Variants in GPC6 observed in about 807,000 individuals in gnomAD.
GPC6 encodes the protein glypican-6.
A neutral mutation model predicts 55.2 loss-of-function variants in GPC6; 14 were observed. The ratio of observed to expected loss-of-function variants is 0.25; its 90% CI spans 0.17 to 0.40. The LOEUF is 0.40. Ranked by LOEUF, GPC6 falls within the 10% of genes least tolerant of loss-of-function variation. The pLI is 1.00. For missense variants in GPC6, 641 were observed against 708.5 expected (o/e 0.90, Z 1.08); for synonymous variants, 278 against 259.6 (o/e 1.07, Z -0.68).
intron 1 of GPC6, among the ~76,000 whole-genome samples, chr13:93,516,042 T>A (rs997632378): frequency 6.6e-6 from 1 of 152,164 alleles, no homozygotes; most frequent in East Asian, 1.9e-4. Flanking sequence ...CGACAGCTTT[T>A]CTTGCAACAT....
At chr13:93,621,197 T>C (rs976170378) in intron 2 of GPC6, among the ~76,000 whole-genome samples, 2 of 152,124 alleles carry the variant, frequency 1.3e-5, no homozygotes, top group African/African-American at 4.8e-5. Context: ...AAGGCTCATC[T>C]CAGAAAGGGA....
At chr13:93,541,397 G>A (rs1204833097) in intron 1 of GPC6, among the ~76,000 whole-genome samples, 1 of 109,670 alleles carries the variant, frequency 9.1e-6, no homozygotes, top group Non-Finnish European at 1.9e-5. Context: ...TGGTGTATAT[G>A]TGCCACATTT....
In GPC6 at chr13:93,434,629, T is replaced by C. The variant is rs1358616126; in HGVS notation, c.161-110634T>C. Among the ~76,000 whole-genome samples the C allele has an allele frequency of 2.6e-5, 4 of 152,192 alleles. No homozygotes were observed. The East Asian group carries it at 7.7e-4, about 29-fold the overall frequency. On this transcript the variant is annotated intron_variant, in intron 1 of 8. Coordinates refer to ENST00000377047, the MANE Select transcript of GPC6 (RefSeq NM_005708.5). ...TGTTCTGTGTGGTGGTAAAACTTAC[T>C]GGCATATAATCTGTCTGTGTCCTGA...
intron 1 of GPC6, among the ~76,000 whole-genome samples, chr13:93,528,346 AATTG>A (rs1881731044): frequency 6.6e-6 from 1 of 152,168 alleles, no homozygotes; most frequent in Non-Finnish European, 1.5e-5. Context: ...ATAAACTTGA[AATTG>A]ATTGTTTGTG....
intron 7 of GPC6, among the ~76,000 whole-genome samples, chr13:94,393,844 T>G (rs1298615910): frequency 6.6e-6 from 1 of 152,142 alleles, no homozygotes; most frequent in Non-Finnish European, 1.5e-5. Flanking sequence ...CTACCAGCAT[T>G]AACGTGATGA....
intron 3 of GPC6, among the ~76,000 whole-genome samples, chr13:93,953,818 A>G (rs914531179): frequency 2.6e-5 from 4 of 152,194 alleles, no homozygotes; most frequent in Non-Finnish European, 5.9e-5. Context: ...CATATTCTGT[A>G]TTGATTATCA....
intron 4 of GPC6, among the ~76,000 whole-genome samples, chr13:94,038,399 A>C (rs901702734): frequency 5.3e-5 from 8 of 151,892 alleles, no homozygotes; most frequent in African/African-American, 1.9e-4. Context: ...ACCAAAAATA[A>C]AAACCACATA....
chr13:93,419,180 C>G (rs1490752760), intron 1 of GPC6, among the ~76,000 whole-genome samples: 1 of 150,982 alleles, frequency 6.6e-6, no homozygotes, highest in East Asian at 2.0e-4. Flanking sequence ...ACATTTAATA[C>G]TGGTACTTAT....
intron 6 of GPC6, among the ~76,000 whole-genome samples, chr13:94,360,699 G>C (rs1168332297): frequency 3.3e-5 from 5 of 152,164 alleles, no homozygotes; most frequent in African/African-American, 1.2e-4. Flanking sequence ...GATTTCCAGA[G>C]TGCTATCCTC....
intron 2 of GPC6, among the ~76,000 whole-genome samples, chr13:93,764,468 ATAAAT>A (rs1885046973): frequency 6.6e-6 from 1 of 152,140 alleles, no homozygotes; most frequent in Non-Finnish European, 1.5e-5. Flanking sequence ...TCTACTAGGA[ATAAAT>A]TAATTAGTGC....
chr13:93,269,263 T>C (rs1249444361), intron 1 of GPC6, among the ~76,000 whole-genome samples: 1 of 152,122 alleles, frequency 6.6e-6, no homozygotes, highest in Non-Finnish European at 1.5e-5. Flanking sequence ...TATTGACTTT[T>C]CAGGGTTCTA....
intron 6 of GPC6, among the ~76,000 whole-genome samples, chr13:94,342,086 A>G (rs1878070198): frequency 6.6e-6 from 1 of 152,246 alleles, no homozygotes; most frequent in Non-Finnish European, 1.5e-5. Flanking sequence ...CTGCATCAAC[A>G]TCTGCCTTTT....
intron 1 of GPC6, among the ~76,000 whole-genome samples, chr13:93,281,528 G>A (rs561065775): frequency 7.5e-4 from 114 of 152,250 alleles, no homozygotes; most frequent in African/African-American, 2.7e-3. Context: ...TAAATGAAAA[G>A]AATGGCTGGG....
chr13:94,164,800 T>G (rs1888294260), intron 4 of GPC6, among the ~76,000 whole-genome samples: 1 of 152,204 alleles, frequency 6.6e-6, no homozygotes, highest in South Asian at 2.1e-4. Flanking sequence ...TAAATTGATT[T>G]TTTTTTTACA....
In GPC6 at chr13:93,796,093, G is replaced by A. The variant is rs149981064; in HGVS notation, c.320-34061G>A. Among the ~76,000 whole-genome samples the A allele has an allele frequency of 2.1e-3, 312 of 151,658 alleles. 3 individuals carry two copies. Among genetic ancestry groups the A allele is most frequent in the African/African-American group, 7.3e-3 (302 of 41,380 alleles). ...TGCCTGTAGTCCCAGCTAATTGGGA[G>A]GCTGAGGTGGGAGGATCACTTTCCT... is the stretch of plus-strand genomic sequence containing the variant. On this transcript the variant is annotated intron_variant, in intron 2 of 8. Coordinates refer to ENST00000377047, the MANE Select transcript of GPC6 (RefSeq NM_005708.5).
At chr13:94,018,651 A>AT (rs1219797076) in intron 3 of GPC6, among the ~76,000 whole-genome samples, 1 of 152,156 alleles carries the variant, frequency 6.6e-6, no homozygotes, top group African/African-American at 2.4e-5. Flanking sequence ...AAGACTTTTT[A>AT]GTCAACATAT....
At chr13:93,553,601 A>C (rs1243529053) in intron 2 of GPC6, among the ~76,000 whole-genome samples, 1 of 148,720 alleles carries the variant, frequency 6.7e-6, no homozygotes, top group Non-Finnish European at 1.5e-5. Context: ...AGGCTGAGGC[A>C]GGAGAATCGC....
At position 93,455,808 on chromosome 13, in the gene GPC6, C is replaced by T. The variant is rs116684544; in HGVS notation, c.161-89455C>T. Among the ~76,000 whole-genome samples the T allele has an allele frequency of 9.6e-3, 1,464 of 152,182 alleles. 23 individuals carry two copies. The highest frequency in any genetic ancestry group is 0.033 in the African/African-American group (1,389 of 41,516). On this transcript the variant is annotated intron_variant, in intron 1 of 8. Transcript: ENST00000377047. ...TCTGCAAGTATTCTCCCTCGAGACC[C>T]CTAGTACTCTGTGCAGGGGACTAAA...
chr13:93,871,927 C>G (rs1179050427), intron 3 of GPC6, among the ~76,000 whole-genome samples: 1 of 151,796 alleles, frequency 6.6e-6, no homozygotes, highest in Non-Finnish European at 1.5e-5. Flanking sequence ...TTCATTTTCA[C>G]TGCATTTATT....
Sources: allele counts gnomAD v4.1 joint callset (sites outside exome capture counted in the v4.1 genomes callset), GRCh38; gene constraint gnomAD v4.1.1; transcripts MANE v1.5; gene names NCBI Gene and HGNC (gene_info 2026-07-23, HGNC 2026-07-21).